CIAPIN1: variants seen among roughly 807,000 people sequenced by gnomAD.
The protein encoded by CIAPIN1 is anamorsin.
A neutral mutation model predicts 34.3 loss-of-function variants in CIAPIN1; 18 were observed. The ratio of observed to expected loss-of-function variants is 0.52; its 90% CI spans 0.36 to 0.78. The LOEUF is 0.78. CIAPIN1 is among the 30% of genes least tolerant of loss of function. The probability of loss-of-function intolerance (pLI) is 0.00; values close to 1 mark genes in which losing one functional copy is unlikely to be tolerated. For synonymous variants in CIAPIN1, 131 were observed against 140.4 expected, an observed-to-expected ratio of 0.93 and a Z score of 0.47; for missense variants, 310 against 372.5, an observed-to-expected ratio of 0.83 and a Z score of 1.38.
At chr16:57,439,366 C>T (rs1297457286) in intron 2 of CIAPIN1, 32 bp from the exon 3 acceptor site, 2 of 1,613,188 alleles carry the variant, frequency 1.2e-6, no homozygotes, top group South Asian at 1.1e-5. Context: ...TTAGCAATCT[C>T]CTGAGCCTGG....
intron 1 of CIAPIN1, among the ~76,000 whole-genome samples, chr16:57,443,934 A>C (rs1325065847): frequency 6.6e-6 from 1 of 152,200 alleles, no homozygotes; most frequent in Non-Finnish European, 1.5e-5. Flanking sequence ...TAAGAAAAAA[A>C]AAATGACCTG....
chr16:57,444,858 A>G (rs2029991559), intron 1 of CIAPIN1, among the ~76,000 whole-genome samples: 1 of 152,250 alleles, frequency 6.6e-6, no homozygotes, highest in African/African-American at 2.4e-5. Flanking sequence ...AGTATCTAAG[A>G]CAACATGCTT....
chr16:57,431,118 A>G, intron 7 of CIAPIN1, 33 bp downstream of exon 7: 1 of 1,325,472 alleles, frequency 7.5e-7, no homozygotes, highest in South Asian at 1.2e-5. Flanking sequence ...CACTGGAGGC[A>G]GCATGGCAGG....
At chr16:57,443,116 A>C (rs1222796155) in intron 1 of CIAPIN1, among the ~76,000 whole-genome samples, 1 of 150,148 alleles carries the variant, frequency 6.7e-6, no homozygotes. Flanking sequence ...AATTAAAAAG[A>C]CAATAATTCT....
At chr16:57,429,373 T>C in intron 8 of CIAPIN1, 93 bp from the exon 9 acceptor site, 1 of 801,422 alleles carries the variant, frequency 1.2e-6, no homozygotes, top group Non-Finnish European at 2.1e-6. Context: ...GTGGCCACAG[T>C]GGCCTGAAGG....
intron 6 of CIAPIN1, among the ~76,000 whole-genome samples, chr16:57,431,794 T>C (rs537054142): frequency 6.6e-6 from 1 of 152,264 alleles, no homozygotes. Flanking sequence ...ACTTCAATAG[T>C]AGAGGTGTAG....
chr16:57,431,193 G>T lies in CIAPIN1; in HGVS notation c.704C>A (p.Ala235Asp). Residue 235 changes from alanine (A) to aspartate (D), a missense_variant, in exon 7 of 9, where the codon GCT becomes GAT. Ala to Asp is a moderately radical substitution (Grantham distance 126). Transcript: ENST00000394391. ...CCTCTTTTTCCCTTCCCCACAAGAA[G>T]CAGCCCGCAGGGAAGCTGGATCTGG... Reference protein sequence around the residue: ...KKPDPASLRAASCGEGKKRKA... With the variant: ...KKPDPASLRADSCGEGKKRKA... The T allele has an allele frequency of 6.2e-7, 1 of 1,613,804 alleles. No individual in the cohort carries two copies. Among genetic ancestry groups the T allele is most frequent in the Non-Finnish European group, 8.5e-7 (1 of 1,179,842 alleles).
intron 1 of CIAPIN1, 61 bp downstream of exon 1, chr16:57,447,281 G>A (rs1182586085): frequency 2.5e-6 from 1 of 397,282 alleles, no homozygotes; most frequent in Non-Finnish European, 4.4e-6. Context: ...GGGAACGAGG[G>A]TGGGCCGGGA....
rs187848584 is a variant in CIAPIN1 at position 57,438,548 on chromosome 16, T to C, written c.310+634A>G. ...GATATTGATGGTCCACATAACTTTT[T>C]CAGATTTCATTTCTTTTATATGTAC... On this transcript the variant is annotated intron_variant, in intron 3 of 8. Coordinates refer to ENST00000394391, the MANE Select transcript of CIAPIN1 (RefSeq NM_020313.4). Among the ~76,000 whole-genome samples, 439 of 152,320 alleles carry C rather than the reference T, an allele frequency of 2.9e-3. 3 individuals are homozygous for C. Among genetic ancestry groups the C allele is most frequent in the South Asian group, 8.7e-3 (42 of 4,824 alleles).
chr16:57,442,928 C>T (rs1394479139), intron 1 of CIAPIN1, among the ~76,000 whole-genome samples: 1 of 152,098 alleles, frequency 6.6e-6, no homozygotes, highest in South Asian at 2.1e-4. Flanking sequence ...CTATGAAAAC[C>T]CTTTGCATTT....
rs1903002761 is a variant in CIAPIN1 at position 57,428,402 on chromosome 16, G to A, written c.*768C>T. On this transcript the variant is annotated 3_prime_UTR_variant, in exon 9 of 9. Coordinates refer to ENST00000394391, the MANE Select transcript of CIAPIN1 (RefSeq NM_020313.4). ...AACCTGGACTCTTCTAAAGTGGGCA[G>A]ACAAGCCCTATTCTAAGCGTAGGAA... 1 of 152,168 alleles carries A rather than the reference G, an allele frequency of 6.6e-6. No homozygotes were observed. The highest frequency in any genetic ancestry group is 1.5e-5 in the Non-Finnish European group (1 of 68,048). 9.4% of individuals were successfully genotyped at this position (152,168 alleles called of 1,614,324 possible). A position where few individuals can be genotyped will look rare whatever the true frequency, so the allele number is the denominator to read the frequency against.
chr16:57,430,306 C>A lies in CIAPIN1; in HGVS notation c.780G>T (p.Glu260Asp), dbSNP rs1160025207. Residue 260 changes from glutamate (E) to aspartate (D), a missense_variant, in exon 8 of 9, where the codon GAG becomes GAT. By Grantham distance (45) the Glu-to-Asp change is conservative (BLOSUM62 2). Coordinates refer to ENST00000394391, the MANE Select transcript of CIAPIN1 (RefSeq NM_020313.4). Reference protein sequence around the residue: ...TCGLAEELEKEKSREQMSSQP... With the variant: ...TCGLAEELEKDKSREQMSSQP... ...GGGAGCTCATCTGTTCCCTTGACTTCTCTTTTTCCAGTTCTTCGGCAAGGC... is the reference window on the plus strand; with the variant it reads ...GGGAGCTCATCTGTTCCCTTGACTTATCTTTTTCCAGTTCTTCGGCAAGGC... 2.5e-6 allele frequency: 4 copies of A among 1,614,104 alleles called. No homozygotes were observed. Among genetic ancestry groups the A allele is most frequent in the Non-Finnish European group, 3.4e-6 (4 of 1,180,060 alleles).
chr16:57,443,522 A>G (rs2029931422), intron 1 of CIAPIN1, among the ~76,000 whole-genome samples: 2 of 152,182 alleles, frequency 1.3e-5, no homozygotes, highest in Non-Finnish European at 2.9e-5. Context: ...CAGTGGCACA[A>G]TCTCAACTCA....
chr16:57,440,729 A>C, intron 2 of CIAPIN1, 43 bp downstream of exon 2: 1 of 1,554,910 alleles, frequency 6.4e-7, no homozygotes, highest in Non-Finnish European at 8.7e-7. Context: ...ACTCCCATGG[A>C]AACCCCTCCA....
chr16:57,434,158 C>G lies in CIAPIN1; in HGVS notation c.442G>C (p.Gly148Arg). The G allele has an allele frequency of 6.2e-7, 1 of 1,614,076 alleles. No individual in the cohort carries two copies. The highest frequency in any genetic ancestry group is 1.3e-5 in the African/African-American group (1 of 75,032). ...EEVQSVREHL[G>R]HESDNLLFVQ... The stretch of plus-strand genomic sequence containing the variant: ...AACAGCAGGTTGTCACTTTCATGAC[C>G]AAGGTGTTCTCGAACAGACTGTACT... The change falls in exon 5 of 9, where the codon GGT becomes CGT. Residue 148 changes from glycine to arginine, a missense_variant. Gly to Arg is a moderately radical substitution (Grantham distance 125). Coordinates refer to ENST00000394391, the MANE Select transcript of CIAPIN1 (RefSeq NM_020313.4).
chr16:57,446,156 G>T (rs763883827), intron 1 of CIAPIN1, among the ~76,000 whole-genome samples: 3 of 152,100 alleles, frequency 2.0e-5, no homozygotes, highest in Non-Finnish European at 4.4e-5. Context: ...TTTTTAAAAA[G>T]TGAGAATCAA....
intron 3 of CIAPIN1, among the ~76,000 whole-genome samples, chr16:57,438,174 A>G (rs1302529460): frequency 2.6e-5 from 4 of 152,238 alleles, no homozygotes; most frequent in African/African-American, 9.6e-5. Context: ...ATACATTTCA[A>G]AATACTTTCA....
At chr16:57,438,700 A>G (rs1223826740) in intron 3 of CIAPIN1, among the ~76,000 whole-genome samples, 1 of 152,204 alleles carries the variant, frequency 6.6e-6, no homozygotes, top group Non-Finnish European at 1.5e-5. Flanking sequence ...CTACCCCTTT[A>G]TAGCTCCACC....
rs761001891 is a variant in CIAPIN1 at position 57,431,161 on chromosome 16, A to T, written c.736T>A (p.Cys246Ser). The T allele has an allele frequency of 7.4e-6, 12 of 1,611,426 alleles. No individual in the cohort carries two copies. The highest frequency in any genetic ancestry group is 1.3e-5 in the African/African-American group (1 of 74,836). ...SCGEGKKRKA[C>S]KNCTCGLAEE... ...CACCCCAGCACTCACCAGTTCTTAC[A>T]GGCCTTCCTCTTTTTCCCTTCCCCA... Residue 246 changes from cysteine (C) to serine (S), a missense_variant, in exon 7 of 9, where the codon TGT becomes AGT. Transcript: ENST00000394391.
Sources: allele counts gnomAD v4.1 joint callset (sites outside exome capture counted in the v4.1 genomes callset), GRCh38; gene constraint gnomAD v4.1.1; transcripts MANE v1.5; gene names NCBI Gene and HGNC (gene_info 2026-07-23, HGNC 2026-07-21).